MYO18B: variants seen among roughly 807,000 people sequenced by gnomAD.
MYO18B encodes myosin XVIIIB, also known as unconventional myosin-XVIIIb.
Under a neutral mutation model 273.0 loss-of-function variants are expected in MYO18B, and 204 were observed. That is an observed-to-expected ratio of 0.75 (90% CI 0.67 to 0.84). The LOEUF (loss-of-function observed/expected upper bound fraction) is 0.84, where lower values mean the gene tolerates loss of function less well. Ranked by LOEUF, MYO18B falls within the 40% of genes least tolerant of loss-of-function variation. MYO18B has a pLI of 0.00. For synonymous variants in MYO18B, 1,330 were observed against 1,305.7 expected (o/e 1.02, Z -0.40); for missense variants, 3,212 against 3,287.6 (o/e 0.98, Z 0.56).
At chr22:26,044,594 T>C in the MYO18B span, among the ~76,000 whole-genome samples, 2 of 152,268 alleles carry the variant, frequency 1.3e-5, no homozygotes, top group Non-Finnish European at 2.9e-5. Context: ...CATTTTCACA[T>C]AGGATGACTT....
intron 42 of MYO18B, among the ~76,000 whole-genome samples, chr22:26,011,942 C>T (rs1934952120): frequency 6.6e-6 from 1 of 152,164 alleles, no homozygotes; most frequent in Non-Finnish European, 1.5e-5. Flanking sequence ...ACAACTTTTC[C>T]TTTTTGCAGG....
chr22:25,782,116 C>T (rs1312382237), intron 10 of MYO18B, among the ~76,000 whole-genome samples: 6 of 151,534 alleles, frequency 4.0e-5, no homozygotes, highest in African/African-American at 1.5e-4. Flanking sequence ...ACATTCAGCT[C>T]TTTATAGGTC....
chr22:25,847,138 G>A (rs2090275396), intron 19 of MYO18B, among the ~76,000 whole-genome samples: 1 of 152,054 alleles, frequency 6.6e-6, no homozygotes, highest in African/African-American at 2.4e-5. Context: ...GCGTTATAGT[G>A]GAAATGCCCT....
At chr22:26,028,126 T>C (rs762766600) in intron 43 of MYO18B, among the ~76,000 whole-genome samples, 4 of 151,692 alleles carry the variant, frequency 2.6e-5, no homozygotes, top group Non-Finnish European at 5.9e-5. Context: ...GCGCCTGTAA[T>C]CCCAGCTACT....
At chr22:25,948,374 A>T (rs1458235848) in intron 36 of MYO18B, among the ~76,000 whole-genome samples, 1 of 151,970 alleles carries the variant, frequency 6.6e-6, no homozygotes, top group Non-Finnish European at 1.5e-5. Flanking sequence ...CTATCCACCT[A>T]TCCAACCATC....
At chr22:25,892,706 C>G (rs910155730) in intron 27 of MYO18B, 9 of 152,100 alleles carry the variant, frequency 5.9e-5, no homozygotes. Flanking sequence ...CCTGGCTACC[C>G]CCGTGGCAGG....
intron 12 of MYO18B, among the ~76,000 whole-genome samples, chr22:25,799,731 A>G (rs1336343379): frequency 6.6e-6 from 1 of 152,212 alleles, no homozygotes; most frequent in Admixed American, 6.5e-5. Context: ...AGCCACATAC[A>G]TTAACCCATT....
chr22:26,027,455 A>G lies in MYO18B; in HGVS notation c.7481A>G (p.Lys2494Arg). ...FLSGIKTILK[K>R]SPEPKEDPAH... is the part of the protein sequence containing the mutation. ...TCGGGGATCAAGACCATTTTGAAGAAGAGCCCGGAGCCCAAGGAGGATCCC... is the reference window on the plus strand; with the variant it reads ...TCGGGGATCAAGACCATTTTGAAGAGGAGCCCGGAGCCCAAGGAGGATCCC... The change falls in exon 43 of 44, where the codon AAG becomes AGG. Residue 2494 changes from lysine to arginine, a missense_variant. By Grantham distance (26) the Lys-to-Arg change is conservative (BLOSUM62 2). Transcript: ENST00000335473. The surrounding 1 kb of genome is among the most constrained non-coding windows in gnomAD (Gnocchi z 4.1). 6.2e-7 allele frequency: 1 copy of G among 1,613,966 alleles called. No homozygotes were observed.
At chr22:25,937,606 A>T (rs1193443226) in intron 34 of MYO18B, among the ~76,000 whole-genome samples, 4 of 127,718 alleles carry the variant, frequency 3.1e-5, no homozygotes, top group African/African-American at 1.2e-4. Flanking sequence ...TTTTTTTGAG[A>T]TGGAGTTTCA....
intron 30 of MYO18B, among the ~76,000 whole-genome samples, chr22:25,903,419 C>G (rs1228704222): frequency 1.3e-5 from 2 of 152,216 alleles, no homozygotes; most frequent in African/African-American, 4.8e-5. Context: ...CCTCCCACCC[C>G]CAACTCCATG....
intron 21 of MYO18B, among the ~76,000 whole-genome samples, chr22:25,862,975 T>C (rs748850040): frequency 2.0e-5 from 3 of 152,146 alleles, no homozygotes; most frequent in Non-Finnish European, 1.5e-5. Flanking sequence ...GCCATACATA[T>C]CTCTGAGGCT....
intron 42 of MYO18B, among the ~76,000 whole-genome samples, chr22:26,012,760 C>T (rs1294464987): frequency 1.3e-5 from 2 of 152,118 alleles, no homozygotes; most frequent in African/African-American, 2.4e-5. Flanking sequence ...TTGGATACAT[C>T]GTTGATGGTT....
intron 19 of MYO18B, among the ~76,000 whole-genome samples, chr22:25,846,741 GA>G (rs1417397948): frequency 6.6e-6 from 1 of 152,214 alleles, no homozygotes; most frequent in Non-Finnish European, 1.5e-5. Flanking sequence ...TGGCCAGGCT[GA>G]GCAGAAATGA....
At position 26,014,721 on chromosome 22, in the gene MYO18B, C is replaced by T. The variant is rs531609944; in HGVS notation, c.6470+9866C>T. ...TTTTTCTCTGCAACCTCACCAGCAC[C>T]TGTCTTTTTTTGACTTTTAAATAAT... On this transcript the variant is annotated intron_variant, in intron 42 of 43. Coordinates refer to ENST00000335473, the MANE Select transcript of MYO18B (RefSeq NM_032608.7). Among the ~76,000 whole-genome samples the T allele has an allele frequency of 7.9e-5, 12 of 152,286 alleles. No homozygotes were observed. In the South Asian group the frequency reaches 2.5e-3, roughly 32 times the overall value.
intron 17 of MYO18B, among the ~76,000 whole-genome samples, chr22:25,842,672 C>CAAAAAA (rs695584): frequency 9.3e-5 from 6 of 64,566 alleles, no homozygotes; most frequent in East Asian, 3.9e-4. Context: ...AACTCCGTCT[C>CAAAAAA]AAAAAAAAAA....
intron 25 of MYO18B, among the ~76,000 whole-genome samples, chr22:25,887,208 G>A (rs2091526111): frequency 6.6e-6 from 1 of 152,132 alleles, no homozygotes; most frequent in South Asian, 2.1e-4. Flanking sequence ...GGCCAGTGGG[G>A]TCCTTCAGAA....
chr22:26,035,671 A>C (rs1405718193), downstream of MYO18B, among the ~76,000 whole-genome samples: 2 of 152,234 alleles, frequency 1.3e-5, no homozygotes, highest in African/African-American at 4.8e-5. Flanking sequence ...GAGACAACAA[A>C]TGTTGCTCCA....
intron 8 of MYO18B, among the ~76,000 whole-genome samples, chr22:25,778,114 A>T (rs749939526): frequency 5.9e-5 from 9 of 152,148 alleles, no homozygotes; most frequent in Non-Finnish European, 8.8e-5. Flanking sequence ...GATGTGAATG[A>T]TGCACCCCTG....
At chr22:25,887,558 G>C (rs1342499870) in intron 25 of MYO18B, among the ~76,000 whole-genome samples, 1 of 152,136 alleles carries the variant, frequency 6.6e-6, no homozygotes, top group East Asian at 1.9e-4. Flanking sequence ...TGGTTAATTG[G>C]TTCTTGAGTA....
Sources: allele counts gnomAD v4.1 joint callset (sites outside exome capture counted in the v4.1 genomes callset), GRCh38; gene constraint gnomAD v4.1.1; non-coding constraint Gnocchi (gnomAD v3.1); transcripts MANE v1.5; gene names NCBI Gene and HGNC (gene_info 2026-07-23, HGNC 2026-07-21).